The following PLAA variants were observed in gnomAD, a reference collection of about 807,000 sequenced individuals.
PLAA encodes phospholipase A2 activating protein.
In PLAA, 48 loss-of-function variants were observed where a neutral mutation model predicts 84.1. The ratio of observed to expected loss-of-function variants is 0.57; its 90% CI spans 0.45 to 0.73. The LOEUF is 0.73. Ranked by LOEUF, PLAA falls within the 30% of genes least tolerant of loss-of-function variation. The pLI is 0.00. For missense variants in PLAA, 903 were observed against 954.7 expected (o/e 0.95, Z 0.71); for synonymous variants, 392 against 336.6 (o/e 1.16, Z -1.80).
rs1284126061 is a variant in PLAA at position 26,904,715 on chromosome 9, T to G, written c.*796A>C. On this transcript the variant is annotated 3_prime_UTR_variant, in exon 14 of 14. Transcript: ENST00000397292. ...ATACAGTTTGATGTACTCTTGCTTA[T>G]GTAACCACCTGATAAAATTCAACAT... 1 of 152,266 alleles carries G rather than the reference T, an allele frequency of 6.6e-6. No homozygotes were observed. The highest frequency in any genetic ancestry group is 1.5e-5 in the Non-Finnish European group (1 of 68,026). The allele number at this position is 152,266 out of a possible 1,614,324, so 9.4% of individuals were successfully genotyped here.
chr9:26,908,249 G>C (rs1166973163), intron 12 of PLAA, among the ~76,000 whole-genome samples: 1 of 140,338 alleles, frequency 7.1e-6, no homozygotes, highest in Non-Finnish European at 1.5e-5. Flanking sequence ...CTCACTGCAA[G>C]CTCGCCCCCC....
In PLAA at chr9:26,905,913, A is replaced by T. The variant is rs1420211435; in HGVS notation, c.1986T>A (p.Thr662=). 8 of 1,614,058 alleles carry T rather than the reference A, an allele frequency of 5.0e-6. No homozygotes were observed. The African/African-American group carries it at 1.1e-4, about 22-fold the overall frequency. ...KPANQLLALR[T]FCNCFVGQAG... is the part of the protein sequence containing the mutation. ...CCTGGCCAACAAAACAATTGCAAAA[A>T]GTCCTGAGAGCAAGCAGCTGGTTTG... The change falls in exon 14 of 14, where the codon ACT becomes ACA. Residue 662 remains threonine, a synonymous_variant. Transcript: ENST00000397292.
At chr9:26,909,164 GATA>G (rs1824324616) in intron 12 of PLAA, among the ~76,000 whole-genome samples, 1 of 151,854 alleles carries the variant, frequency 6.6e-6, no homozygotes, top group Non-Finnish European at 1.5e-5. Flanking sequence ...TCCAAATTCC[GATA>G]ATAAGGAAAA....
At chr9:26,910,482 C>G (rs370530655) in intron 11 of PLAA, 43 bp from the exon 12 acceptor site, 2 of 1,450,366 alleles carry the variant, frequency 1.4e-6, no homozygotes, top group African/African-American at 1.4e-5. Flanking sequence ...AAGGAGTGAT[C>G]AAAAATGAGA....
intron 1 of PLAA, among the ~76,000 whole-genome samples, chr9:26,937,759 G>A (rs1256454192): frequency 1.3e-5 from 2 of 151,664 alleles, no homozygotes; most frequent in African/African-American, 2.4e-5. Context: ...TAACTGAAAT[G>A]AAATTATTCA....
At chr9:26,927,663 T>G (rs1027124686) in intron 4 of PLAA, among the ~76,000 whole-genome samples, 1 of 152,166 alleles carries the variant, frequency 6.6e-6, no homozygotes, top group African/African-American at 2.4e-5. Flanking sequence ...TAAACAAAGC[T>G]TGAAATTCGT....
rs756103623 is a variant in PLAA, at chr9:26,935,206, A to G, written c.150T>C (p.Ser50=). The G allele has an allele frequency of 3.0e-5, 46 of 1,544,844 alleles. No homozygotes were observed. Among genetic ancestry groups the G allele is most frequent in the Admixed American group, 1.6e-4 (7 of 44,584 alleles). Residue 50 remains serine, a splice_region_variant and synonymous_variant, in exon 2 of 14, where the codon AGT becomes AGC. Transcript: ENST00000397292. ...GCATTTCTGTAAAGCTCCTGTTTGG[A>G]CTGGAAAGACAAGATAATTAATAGA... ...DRTTRLWAPD[S]PNRSFTEMHC...
chr9:26,935,283 T>C (rs1825323889), intron 1 of PLAA, 77 bp from the exon 2 acceptor site: 4 of 907,422 alleles, frequency 4.4e-6, no homozygotes, highest in Admixed American at 5.8e-5. Flanking sequence ...AAAGCACTCA[T>C]TTTCATTTAG....
chr9:26,937,644 T>C (rs1405809486), intron 1 of PLAA, among the ~76,000 whole-genome samples: 4 of 151,814 alleles, frequency 2.6e-5, no homozygotes, highest in Non-Finnish European at 5.9e-5. Context: ...TAAAGGAAGA[T>C]GGAGAAAGTC....
At chr9:26,908,501 T>C (rs1209815542) in intron 12 of PLAA, among the ~76,000 whole-genome samples, 2 of 151,340 alleles carry the variant, frequency 1.3e-5, no homozygotes, top group Non-Finnish European at 2.9e-5. Flanking sequence ...TCTCACTCTG[T>C]TGCCCAGGCT....
In PLAA at chr9:26,908,148, T is replaced by G. The variant is rs569267302; in HGVS notation, c.1658-150A>C. On this transcript the variant is annotated intron_variant, in intron 12 of 13. Transcript: ENST00000397292. Reference sequence around the variant, plus strand: ...ATTATCAAACACCATAAAGTAAGGATAAGGCTTATGAGCTTTGTCTTTTTT... The same window carrying G: ...ATTATCAAACACCATAAAGTAAGGAGAAGGCTTATGAGCTTTGTCTTTTTT... 2.3e-5 allele frequency: 12 copies of G among 511,118 alleles called. 1 individual carries two copies. Among genetic ancestry groups the G allele is most frequent in the Non-Finnish European group, 3.7e-5 (11 of 297,520 alleles). The allele number at this position is 511,118 out of a possible 1,614,324, so 31.7% of individuals were successfully genotyped here. A position where few individuals can be genotyped will look rare whatever the true frequency, so the allele number is the denominator to read the frequency against.
At position 26,905,856 on chromosome 9, in the gene PLAA, T is replaced by A; in HGVS notation, c.2043A>T (p.Glu681Asp). The A allele has an allele frequency of 6.2e-7, 1 of 1,614,102 alleles. No individual in the cohort carries two copies. The highest frequency in any genetic ancestry group is 8.5e-7 in the Non-Finnish European group (1 of 1,179,950). The change falls in exon 14 of 14, where the codon GAA (glutamate) becomes GAT (aspartate). Residue 681 changes from glutamate to aspartate, a missense_variant. Coordinates refer to ENST00000397292, the MANE Select transcript of PLAA (RefSeq NM_001031689.3). The stretch of plus-strand genomic sequence containing the variant: ...GTTCTATTGCATGGGACATCAGTGA[T>A]TCCCTCTGGGACATCATGAGTTTTT... The part of the protein sequence containing the change: ...AGQKLMMSQR[E>D]SLMSHAIELK...
chr9:26,934,458 T>C (rs1393701606), intron 2 of PLAA, among the ~76,000 whole-genome samples: 1 of 150,146 alleles, frequency 6.7e-6, no homozygotes, highest in Non-Finnish European at 1.5e-5. Context: ...TAGCCTCTTT[T>C]ATTACTGAAC....
At chr9:26,926,824 T>A (rs1308900335) in intron 4 of PLAA, among the ~76,000 whole-genome samples, 1 of 152,086 alleles carries the variant, frequency 6.6e-6, no homozygotes. Flanking sequence ...TTGACCCCAA[T>A]AATTTGTTTT....
chr9:26,916,994 G>T, intron 10 of PLAA, 103 bp downstream of exon 10: 1 of 941,834 alleles, frequency 1.1e-6, no homozygotes, highest in South Asian at 1.6e-5. Flanking sequence ...GCAGATAAGG[G>T]AATTACCAAT....
At chr9:26,937,501 T>A (rs1340763694) in intron 1 of PLAA, among the ~76,000 whole-genome samples, 2 of 152,058 alleles carry the variant, frequency 1.3e-5, no homozygotes, top group African/African-American at 2.4e-5. Context: ...ATCACACGCA[T>A]ACAAATAAAC....
At chr9:26,915,047 T>C (rs147689335) in intron 10 of PLAA, among the ~76,000 whole-genome samples, 5,475 of 152,036 alleles carry the variant, frequency 0.036, 163 homozygotes, top group South Asian at 0.098. Flanking sequence ...ACCCTGTCTC[T>C]ACTAAAAATA....
At position 26,910,323 on chromosome 9, in the gene PLAA, A is replaced by C; in HGVS notation, c.1657+15T>G. On this transcript the variant is annotated intron_variant, in intron 12 of 13. Transcript: ENST00000397292. ...AGTCTGTGAATATGTGAATAAATTA[A>C]TTAAAGAAACTTACCTAATATTTGT... 6.4e-7 allele frequency: 1 copy of C among 1,565,406 alleles called. No homozygotes were observed. The highest frequency in any genetic ancestry group is 8.8e-7 in the Non-Finnish European group (1 of 1,136,140).
chr9:26,929,365 G>C (rs897815829), intron 2 of PLAA, among the ~76,000 whole-genome samples: 1 of 151,560 alleles, frequency 6.6e-6, no homozygotes, highest in African/African-American at 2.4e-5. Flanking sequence ...GGTGTCACGC[G>C]CCTGTCGTCC....
Sources: gnomAD v4.1 joint callset for allele counts (sites outside exome capture counted in the v4.1 genomes callset) on GRCh38, gnomAD v4.1.1 for gene constraint, MANE v1.5 for transcripts, NCBI Gene and HGNC (gene_info 2026-07-23, HGNC 2026-07-21) for gene names.